PPFIBP1: variants seen among roughly 807,000 people sequenced by gnomAD.
The protein encoded by PPFIBP1 is PPFIB scaffold protein 1.
Under a neutral mutation model 137.8 loss-of-function variants are expected in PPFIBP1, and 112 were observed. That is an observed-to-expected ratio of 0.81 (90% CI 0.70 to 0.95). PPFIBP1 has a LOEUF of 0.95. PPFIBP1 is among the 40% of genes least tolerant of loss of function. PPFIBP1 has a pLI of 0.00. For missense variants in PPFIBP1, 1,083 were observed against 1,196.6 expected (o/e 0.91, Z 1.40); for synonymous variants, 378 against 417.3 (o/e 0.91, Z 1.15).
intron 2 of PPFIBP1, among the ~76,000 whole-genome samples, chr12:27,632,112 T>A (rs1453440841): frequency 3.3e-5 from 5 of 152,206 alleles, no homozygotes; most frequent in Non-Finnish European, 2.9e-5. Flanking sequence ...ATTTTTCACC[T>A]TTGGAAGTGA....
At chr12:27,599,107 A>G (rs553715211) in intron 2 of PPFIBP1, among the ~76,000 whole-genome samples, 80 of 152,344 alleles carry the variant, frequency 5.3e-4, no homozygotes, top group African/African-American at 1.6e-3. Context: ...TTAAGCTGTT[A>G]TGATGCTTAA....
chr12:27,593,980 G>C, intron 2 of PPFIBP1: 1 of 1,397,126 alleles, frequency 7.2e-7, no homozygotes, highest in African/African-American at 1.5e-5. Context: ...AGAGGATCAG[G>C]TTGGAATTGG....
intron 2 of PPFIBP1, among the ~76,000 whole-genome samples, chr12:27,582,732 G>A (rs556188849): frequency 6.6e-6 from 1 of 152,282 alleles, no homozygotes; most frequent in East Asian, 1.9e-4. Context: ...GATCCACTTA[G>A]TCCCTAGGCA....
intron 2 of PPFIBP1, among the ~76,000 whole-genome samples, chr12:27,589,978 C>G (rs1161287111): frequency 6.6e-6 from 1 of 152,188 alleles, no homozygotes; most frequent in Non-Finnish European, 1.5e-5. Flanking sequence ...GCTATGTTCT[C>G]TTCTTGTCTG....
chr12:27,587,613 A>G (rs1464394149), intron 2 of PPFIBP1, among the ~76,000 whole-genome samples: 19 of 112,794 alleles, frequency 1.7e-4, no homozygotes, highest in African/African-American at 6.2e-4. Context: ...ACAGAGCAAG[A>G]CTCCATCTCA....
At chr12:27,603,623 C>A (rs2054222211) in intron 2 of PPFIBP1, among the ~76,000 whole-genome samples, 1 of 152,148 alleles carries the variant, frequency 6.6e-6, no homozygotes, top group Non-Finnish European at 1.5e-5. Flanking sequence ...GGTGCCTGAC[C>A]AACAAACCCC....
intron 4 of PPFIBP1, among the ~76,000 whole-genome samples, chr12:27,640,659 C>T (rs1050348805): frequency 1.3e-5 from 2 of 151,184 alleles, no homozygotes; most frequent in African/African-American, 2.4e-5. Flanking sequence ...GACAGGGGAG[C>T]GGAGTACTGC....
intron 1 of PPFIBP1, among the ~76,000 whole-genome samples, chr12:27,535,593 C>T (rs906465724): frequency 6.6e-6 from 1 of 152,016 alleles, no homozygotes; most frequent in East Asian, 1.9e-4. Context: ...GAGACAGGAT[C>T]TCACCATGTT....
chr12:27,645,726 G>C (rs995479506), intron 4 of PPFIBP1, among the ~76,000 whole-genome samples: 1 of 152,170 alleles, frequency 6.6e-6, no homozygotes, highest in African/African-American at 2.4e-5. Flanking sequence ...AACAACTCGG[G>C]GTGCCCCCTA....
chr12:27,610,447 G>T (rs1396026360), intron 2 of PPFIBP1, among the ~76,000 whole-genome samples: 4 of 152,108 alleles, frequency 2.6e-5, no homozygotes, highest in Non-Finnish European at 4.4e-5. Context: ...TCTAAGTTTG[G>T]CACTGAGCAC....
At chr12:27,656,556 T>C (rs1054459289) in intron 8 of PPFIBP1, 60 bp from the exon 9 acceptor site, 77 of 1,015,908 alleles carry the variant, frequency 7.6e-5, no homozygotes, top group Non-Finnish European at 1.1e-4. Context: ...GCTAATATGC[T>C]CTCTGAATGT....
chr12:27,627,966 T>A (rs7978571), intron 2 of PPFIBP1, among the ~76,000 whole-genome samples: 48,194 of 151,658 alleles, frequency 0.32, 8,199 homozygotes, highest in Middle Eastern at 0.39. Flanking sequence ...AGCTCATTTC[T>A]CTGTTTACAT....
intron 5 of PPFIBP1, 87 bp from the exon 6 acceptor site, chr12:27,647,642 C>CT: frequency 9.1e-6 from 7 of 767,926 alleles, no homozygotes; most frequent in Admixed American, 3.6e-5. Flanking sequence ...TAGGATCATT[C>CT]CTTTTTTTGT....
At chr12:27,597,199 G>A (rs1469995232) in intron 2 of PPFIBP1, among the ~76,000 whole-genome samples, 3 of 152,046 alleles carry the variant, frequency 2.0e-5, no homozygotes, top group South Asian at 2.1e-4. Context: ...ACAGAGTCTC[G>A]TTCTGTCGCC....
Position 27,661,602 on chromosome 12 carries a change from GC to G in PPFIBP1, c.906+659del, listed in dbSNP as rs530607499. Among the ~76,000 whole-genome samples the G allele has an allele frequency of 1.7e-3, 255 of 152,320 alleles. 1 individual carries two copies. Among genetic ancestry groups the G allele is most frequent in the African/African-American group, 5.3e-3 (222 of 41,552 alleles). On this transcript the variant is annotated intron_variant, in intron 11 of 29. Transcript: ENST00000228425. ...TACCTGACCACGTATCTAGCAGGCA[GC>G]CGCAGCTGTGTTCAGCTGATGTCAT...
intron 8 of PPFIBP1, among the ~76,000 whole-genome samples, chr12:27,655,827 A>G (rs1486947855): frequency 6.6e-6 from 1 of 152,224 alleles, no homozygotes; most frequent in African/African-American, 2.4e-5. Flanking sequence ...CTGAAAGCAA[A>G]ATGTGATGTT....
chr12:27,659,279 C>T (rs1565958017), intron 10 of PPFIBP1, among the ~76,000 whole-genome samples: 1 of 152,110 alleles, frequency 6.6e-6, no homozygotes, highest in South Asian at 2.1e-4. Context: ...ATTAGAAGCT[C>T]CTTTGAACAT....
chr12:27,608,070 A>G (rs2054715299), intron 2 of PPFIBP1, among the ~76,000 whole-genome samples: 1 of 152,050 alleles, frequency 6.6e-6, no homozygotes, highest in African/African-American at 2.4e-5. Flanking sequence ...TATTCCAATG[A>G]CTCTCCAGCT....
intron 2 of PPFIBP1, among the ~76,000 whole-genome samples, chr12:27,612,846 A>G (rs1214922193): frequency 6.6e-6 from 1 of 152,120 alleles, no homozygotes; most frequent in Non-Finnish European, 1.5e-5. Flanking sequence ...CTCCTCAAGT[A>G]TATTCCAAAA....
Sources: gnomAD v4.1 joint callset for allele counts (sites outside exome capture counted in the v4.1 genomes callset) on GRCh38, gnomAD v4.1.1 for gene constraint, MANE v1.5 for transcripts, NCBI Gene and HGNC (gene_info 2026-07-23, HGNC 2026-07-21) for gene names.